SPSB4: variants seen among roughly 807,000 people sequenced by gnomAD.
SPSB4 encodes the protein splA/ryanodine receptor domain and SOCS box containing 4, also known as SPRY domain-containing SOCS box protein 4.
In SPSB4, 21 loss-of-function variants were observed where a neutral mutation model predicts 20.9. The observed-to-expected ratio is 1.01, with a 90% CI of 0.71 to 1.45. The LOEUF is 1.45. SPSB4 is among the 40% of genes most tolerant of loss of function. The pLI, the probability that SPSB4 is intolerant of heterozygous loss-of-function variation, is 0.00. For missense variants in SPSB4, 399 were observed against 399.2 expected (o/e 1.00, Z 0.00); for synonymous variants, 207 against 183.8 (o/e 1.13, Z -1.02).
At chr3:141,058,761 G>A (rs539344976) in intron 1 of SPSB4, among the ~76,000 whole-genome samples, 1 of 152,306 alleles carries the variant, frequency 6.6e-6, no homozygotes, top group South Asian at 2.1e-4. Flanking sequence ...AAGCAGGGAA[G>A]GATGCAAAGC....
intron 1 of SPSB4, among the ~76,000 whole-genome samples, chr3:141,065,133 G>T (rs1012632018): frequency 6.6e-6 from 1 of 152,166 alleles, no homozygotes; most frequent in African/African-American, 2.4e-5. Flanking sequence ...GAGGCTAGGA[G>T]GCTTTCCTGT....
chr3:141,119,356 G>C (rs899190275), intron 2 of SPSB4, among the ~76,000 whole-genome samples: 7 of 152,226 alleles, frequency 4.6e-5, no homozygotes, highest in African/African-American at 1.2e-4. Context: ...CTGAGACTTT[G>C]CTGAAGTTTC....
At chr3:141,055,035 C>T (rs547857772) in intron 1 of SPSB4, among the ~76,000 whole-genome samples, 4 of 152,018 alleles carry the variant, frequency 2.6e-5, no homozygotes, top group South Asian at 4.1e-4. Context: ...CTGACAAGCA[C>T]GTCTTAATGC....
At chr3:141,055,381 C>A (rs1027258636) in intron 1 of SPSB4, among the ~76,000 whole-genome samples, 2 of 152,048 alleles carry the variant, frequency 1.3e-5, no homozygotes, top group Non-Finnish European at 2.9e-5. Context: ...GAGAGTCTGG[C>A]ATGACTGGTC....
chr3:141,132,836 A>G (rs1247059174), intron 2 of SPSB4, among the ~76,000 whole-genome samples: 1 of 152,228 alleles, frequency 6.6e-6, no homozygotes, highest in Non-Finnish European at 1.5e-5. Flanking sequence ...TTGCTAGATC[A>G]AACAGTAGTT....
At chr3:141,074,048 G>T (rs1165365777) in intron 2 of SPSB4, among the ~76,000 whole-genome samples, 3 of 152,206 alleles carry the variant, frequency 2.0e-5, no homozygotes, top group Admixed American at 6.5e-5. Context: ...TTGCAGAAAG[G>T]TGGCTTTGAA....
At chr3:141,095,963 C>A (rs906555367) in intron 2 of SPSB4, among the ~76,000 whole-genome samples, 3 of 152,026 alleles carry the variant, frequency 2.0e-5, no homozygotes, top group Non-Finnish European at 2.9e-5. Flanking sequence ...CCTTCTTCTG[C>A]CTGATGTCTG....
chr3:141,140,784 C>A (rs1258855451), intron 2 of SPSB4, among the ~76,000 whole-genome samples: 1 of 152,144 alleles, frequency 6.6e-6, no homozygotes, highest in Admixed American at 6.6e-5. Context: ...GTCAGGGACC[C>A]ACTTGAGGAG....
At chr3:141,089,961 C>A (rs764090897) in intron 2 of SPSB4, among the ~76,000 whole-genome samples, 5 of 152,098 alleles carry the variant, frequency 3.3e-5, no homozygotes, top group Non-Finnish European at 7.4e-5. Flanking sequence ...TCTAGGAACA[C>A]TTGTCTTGGT....
chr3:141,066,347 C>T lies in SPSB4; in HGVS notation c.243C>T (p.Ala81=), dbSNP rs533109895. ...TCACCTTCCACCGGCACCCCGTGGC[C>T]CAGAGCACCGACGGCATCCGCGGCA... ...DRLTFHRHPV[A]QSTDGIRGKV... Residue 81 remains alanine (A), a synonymous_variant, in exon 2 of 3, where the codon GCC becomes GCT. Coordinates refer to ENST00000310546, the MANE Select transcript of SPSB4 (RefSeq NM_080862.3). The T allele has an allele frequency of 3.8e-6, 6 of 1,562,866 alleles. No homozygotes were observed. The highest frequency in any genetic ancestry group is 5.2e-6 in the Non-Finnish European group (6 of 1,155,926).
chr3:141,109,109 G>A (rs924552733), intron 2 of SPSB4, among the ~76,000 whole-genome samples: 2 of 152,148 alleles, frequency 1.3e-5, no homozygotes, highest in African/African-American at 4.8e-5. Flanking sequence ...ATTAAAACAT[G>A]ACAGTGATCA....
chr3:141,091,178 A>C (rs994918140), intron 2 of SPSB4, among the ~76,000 whole-genome samples: 1 of 152,206 alleles, frequency 6.6e-6, no homozygotes, highest in Non-Finnish European at 1.5e-5. Context: ...GATTTTTAAA[A>C]TAGCCATGAT....
At chr3:141,123,493 A>T (rs1017505662) in intron 2 of SPSB4, among the ~76,000 whole-genome samples, 1 of 152,156 alleles carries the variant, frequency 6.6e-6, no homozygotes, top group African/African-American at 2.4e-5. Flanking sequence ...TGCCAGTACC[A>T]CTCAATGTCA....
At chr3:141,086,356 C>T (rs189955650) in intron 2 of SPSB4, among the ~76,000 whole-genome samples, 18 of 152,294 alleles carry the variant, frequency 1.2e-4, no homozygotes, top group Admixed American at 5.2e-4. Flanking sequence ...GCCTGGGTTC[C>T]AGTCTTAGCT....
intron 2 of SPSB4, among the ~76,000 whole-genome samples, chr3:141,105,572 T>C (rs761258256): frequency 2.6e-5 from 4 of 152,184 alleles, no homozygotes; most frequent in Non-Finnish European, 5.9e-5. Flanking sequence ...ATTGAATCCA[T>C]TGTTACAGAT....
At chr3:141,141,657 T>A (rs1261050697) in intron 2 of SPSB4, among the ~76,000 whole-genome samples, 1 of 152,260 alleles carries the variant, frequency 6.6e-6, no homozygotes, top group Non-Finnish European at 1.5e-5. Context: ...AGAATTCAGC[T>A]GTGAATCCAT....
chr3:141,076,024 ACTC>A (rs1938102262), intron 2 of SPSB4, among the ~76,000 whole-genome samples: 4 of 152,068 alleles, frequency 2.6e-5, no homozygotes, highest in Admixed American at 2.6e-4. Context: ...GAGCCACTGC[ACTC>A]CACCCTGGGC....
At chr3:141,122,325 G>C (rs1251726351) in intron 2 of SPSB4, among the ~76,000 whole-genome samples, 1 of 152,132 alleles carries the variant, frequency 6.6e-6, no homozygotes, top group African/African-American at 2.4e-5. Flanking sequence ...TGTATGAGGT[G>C]TCTGTCAGCC....
At chr3:141,066,823 A>G (rs1400694991) in intron 2 of SPSB4, 25 bp downstream of exon 2, 6 of 1,501,992 alleles carry the variant, frequency 4.0e-6, no homozygotes, top group Admixed American at 2.2e-5. Context: ...GCTGGGGGGC[A>G]GGGCTTTCAG....
Sources: gnomAD v4.1 joint callset for allele counts (sites outside exome capture counted in the v4.1 genomes callset) on GRCh38, gnomAD v4.1.1 for gene constraint, MANE v1.5 for transcripts, NCBI Gene and HGNC (gene_info 2026-07-23, HGNC 2026-07-21) for gene names.